Variants in UPK3A observed in about 807,000 individuals in gnomAD.
UPK3A encodes the protein uroplakin 3A.
Under a neutral mutation model 27.6 loss-of-function variants are expected in UPK3A, and 32 were observed. That is an observed-to-expected ratio of 1.16 (90% CI 0.87 to 1.55). The LOEUF (loss-of-function observed/expected upper bound fraction) is 1.55. UPK3A is among the 40% of genes most tolerant of loss of function. The probability of loss-of-function intolerance (pLI) is 0.00; values close to 1 mark genes in which losing one functional copy is unlikely to be tolerated. For missense variants in UPK3A, 370 were observed against 367.9 expected, an observed-to-expected ratio of 1.01 and a Z score of -0.05; for synonymous variants, 171 against 163.9, an observed-to-expected ratio of 1.04 and a Z score of -0.33.
intron 4 of UPK3A, among the ~76,000 whole-genome samples, chr22:45,290,708 G>A (rs1204735876): frequency 1.3e-5 from 2 of 152,228 alleles, no homozygotes; most frequent in Non-Finnish European, 2.9e-5. Flanking sequence ...ACGGGACCGC[G>A]CAGCAGGAGG....
chr22:45,295,873 TAGTTC>T, exon 6 of UPK3A: 1 of 824,238 alleles, frequency 1.2e-6, no homozygotes, highest in Non-Finnish European at 1.9e-6. Flanking sequence ...TGATGAGTTC[TAGTTC>T]AGTAACTACT....
At position 45,295,570 on chromosome 22, in the gene UPK3A, A is replaced by G; in HGVS notation, c.715A>G (p.Ser239Gly). The G allele has an allele frequency of 6.2e-7, 1 of 1,613,420 alleles. No homozygotes were observed. The highest frequency in any genetic ancestry group is 1.1e-5 in the South Asian group (1 of 91,036). Residue 239 changes from serine (S) to glycine (G), a missense_variant, in exon 6 of 6, where the codon AGT (serine) becomes GGT (glycine). Ser to Gly is a moderately conservative substitution (Grantham distance 56). Coordinates refer to ENST00000216211, the MANE Select transcript of UPK3A (RefSeq NM_006953.4). Reference sequence around the variant, plus strand: ...CATCCCCTTGGACAGGGACATGGGGAGTTCTGATGGGGAAACGACTCACGA... The same window carrying G: ...CATCCCCTTGGACAGGGACATGGGGGGTTCTGATGGGGAAACGACTCACGA... ...AIALSLVDMG[S>G]SDGETTHDSQ...
chr22:45,290,082 G>A (rs755373581), intron 4 of UPK3A, among the ~76,000 whole-genome samples: 6 of 152,210 alleles, frequency 3.9e-5, no homozygotes, highest in Non-Finnish European at 8.8e-5. Context: ...CTCCTTCCCT[G>A]CACACCTACT....
chr22:45,293,398 C>A, intron 5 of UPK3A, 85 bp downstream of exon 5: 1 of 1,567,986 alleles, frequency 6.4e-7, no homozygotes, highest in Non-Finnish European at 8.7e-7. Context: ...TGGGGTCCTC[C>A]GAGGCAGGGG....
At chr22:45,291,247 T>C (rs2084158325) in intron 4 of UPK3A, among the ~76,000 whole-genome samples, 1 of 150,828 alleles carries the variant, frequency 6.6e-6, no homozygotes, top group Admixed American at 6.6e-5. Flanking sequence ...GTGTGGTGTG[T>C]GAGTGTGAGA....
intron 4 of UPK3A, among the ~76,000 whole-genome samples, chr22:45,291,276 G>T (rs563834464): frequency 1.3e-5 from 2 of 148,442 alleles, no homozygotes; most frequent in East Asian, 4.0e-4. Flanking sequence ...GGTGTGGGTG[G>T]TGTATGTGGT....
chr22:45,287,769 T>A (rs1318801122), intron 3 of UPK3A, among the ~76,000 whole-genome samples: 3 of 152,076 alleles, frequency 2.0e-5, no homozygotes, highest in African/African-American at 7.2e-5. Context: ...TTCAAGCGAT[T>A]CTCTTGCCTC....
intron 5 of UPK3A, among the ~76,000 whole-genome samples, chr22:45,294,315 G>A (rs1485677701): frequency 6.6e-6 from 1 of 151,652 alleles, no homozygotes; most frequent in Non-Finnish European, 1.5e-5. Flanking sequence ...GGGGCGGGTG[G>A]AGATCGAGTG....
At chr22:45,290,372 G>C (rs1352456035) in intron 4 of UPK3A, among the ~76,000 whole-genome samples, 1 of 152,190 alleles carries the variant, frequency 6.6e-6, no homozygotes, top group African/African-American at 2.4e-5. Flanking sequence ...ACCCCCAGGG[G>C]CGTGGGGGGC....
At chr22:45,292,857 A>G (rs957622479) in intron 4 of UPK3A, among the ~76,000 whole-genome samples, 2 of 151,904 alleles carry the variant, frequency 1.3e-5, no homozygotes, top group Non-Finnish European at 2.9e-5. Flanking sequence ...GCAGTGAGCC[A>G]GGATGGCGCC....
intron 4 of UPK3A, among the ~76,000 whole-genome samples, chr22:45,291,164 C>T (rs2084157853): frequency 6.6e-6 from 1 of 152,086 alleles, no homozygotes; most frequent in South Asian, 2.1e-4. Flanking sequence ...AGGCTGGGGA[C>T]TGCTGGTATA....
At chr22:45,285,091 C>T (rs2084108623) in intron 1 of UPK3A, 26 bp downstream of exon 1, 6 of 1,532,156 alleles carry the variant, frequency 3.9e-6, no homozygotes, top group Middle Eastern at 3.7e-4. Flanking sequence ...CAGGAGGGGG[C>T]TGAGCCCAGA....
At chr22:45,290,258 C>T (rs2084150984) in intron 4 of UPK3A, among the ~76,000 whole-genome samples, 1 of 152,172 alleles carries the variant, frequency 6.6e-6, no homozygotes, top group African/African-American at 2.4e-5. Flanking sequence ...TAACTTAAGA[C>T]CTCCTCCCGC....
chr22:45,293,403 C>A, intron 5 of UPK3A, 90 bp downstream of exon 5: 1 of 1,551,510 alleles, frequency 6.4e-7, no homozygotes, highest in Non-Finnish European at 8.8e-7. Context: ...TCCTCCGAGG[C>A]AGGGGACAGC....
intron 3 of UPK3A, among the ~76,000 whole-genome samples, chr22:45,288,225 C>T (rs946086555): frequency 2.0e-5 from 3 of 150,726 alleles, no homozygotes; most frequent in East Asian, 2.0e-4. Flanking sequence ...GATGGAGTTT[C>T]GCTCTTGTTG....
Position 45,293,331 on chromosome 22 carries a change from G to T in UPK3A, c.704+18G>T. 6.2e-7 allele frequency: 1 copy of T among 1,613,334 alleles called. No homozygotes were observed. Among genetic ancestry groups the T allele is most frequent in the Non-Finnish European group, 8.5e-7 (1 of 1,180,014 alleles). On this transcript the variant is annotated intron_variant, in intron 5 of 5. Transcript: ENST00000216211. ...AGCCTCGTGTAAGTACCTGCCTGCT[G>T]GGAGGGCTGGACCCCAGGGACATGC...
chr22:45,289,577 C>CAAAAAA (rs77091115), intron 4 of UPK3A, among the ~76,000 whole-genome samples: 2 of 80,192 alleles, frequency 2.5e-5, no homozygotes, highest in Admixed American at 1.4e-4. Flanking sequence ...GACTCCGTCT[C>CAAAAAA]AAAAAAAAAA....
rs1156947228 is a variant in UPK3A, at chr22:45,286,419, CT to C, written c.208+324del. 3.3e-5 allele frequency among the ~76,000 whole-genome samples: 5 copies of C among 152,288 alleles called. No individual in the cohort carries two copies. The East Asian group carries it at 5.8e-4, about 18-fold the overall frequency. On this transcript the variant is annotated intron_variant, in intron 2 of 5. Coordinates refer to ENST00000216211, the MANE Select transcript of UPK3A (RefSeq NM_006953.4). ...GCTCAGAGAGGTGGAATAACCCCCC[CT>C]GGACCTCCCAGGGCTGGAGAGTGAA...
chr22:45,285,819 G>A (rs2084113636), intron 1 of UPK3A, 122 bp from the exon 2 acceptor site: 11 of 1,391,270 alleles, frequency 7.9e-6, no homozygotes, highest in South Asian at 2.4e-5. Flanking sequence ...CAGCTTATGC[G>A]GTGGCCCAGG....
Sources: gnomAD v4.1 joint callset for allele counts (sites outside exome capture counted in the v4.1 genomes callset) on GRCh38, gnomAD v4.1.1 for gene constraint, MANE v1.5 for transcripts, NCBI Gene and HGNC (gene_info 2026-07-23, HGNC 2026-07-21) for gene names.